Variants in COMMD1 observed in about 807,000 individuals in gnomAD.
COMMD1 encodes the protein copper metabolism domain containing 1.
A neutral mutation model predicts 17.2 loss-of-function variants in COMMD1; 10 were observed. That is an observed-to-expected ratio of 0.58 (90% CI 0.36 to 0.99). COMMD1 has a LOEUF of 0.99. Ranked by LOEUF, COMMD1 falls within the 50% of genes least tolerant of loss-of-function variation. COMMD1 has a pLI of 0.01. For missense variants in COMMD1, 270 were observed against 231.8 expected (o/e 1.17, Z -1.07); for synonymous variants, 97 against 91.6 (o/e 1.06, Z -0.34).
intron 1 of COMMD1, among the ~76,000 whole-genome samples, chr2:61,967,102 G>A (rs780855824): frequency 6.6e-6 from 1 of 151,990 alleles, no homozygotes; most frequent in African/African-American, 2.4e-5. Context: ...TGGAAATGGG[G>A]CCAGTTGATG....
At chr2:62,121,035 C>T (rs909781761) in intron 2 of COMMD1, among the ~76,000 whole-genome samples, 1 of 152,000 alleles carries the variant, frequency 6.6e-6, no homozygotes, top group African/African-American at 2.4e-5. Flanking sequence ...TGAGCCACCA[C>T]GCCCAGCAAA....
intron 1 of COMMD1, among the ~76,000 whole-genome samples, chr2:61,945,904 A>T (rs1670893058): frequency 1.3e-5 from 2 of 152,174 alleles, no homozygotes; most frequent in Admixed American, 1.3e-4. Context: ...TTAAACTTCC[A>T]GGTAGCGGGT....
At chr2:61,963,232 TATAC>T (rs1371956767) in intron 1 of COMMD1, among the ~76,000 whole-genome samples, 1 of 150,508 alleles carries the variant, frequency 6.6e-6, no homozygotes, top group Non-Finnish European at 1.5e-5. Flanking sequence ...TATATACATA[TATAC>T]ACACACACAC....
At chr2:61,888,896 CT>C (rs70946768) in intron 1 of COMMD1, 43,284 of 132,080 alleles carry the variant, frequency 0.33, 3,444 homozygotes, top group African/African-American at 0.41. Context: ...AGGTCCCCTC[CT>C]TTTTTTTTTT....
rs149364036 is a variant in COMMD1 at position 61,954,185 on chromosome 2, G to A, written c.181-46516G>A. On this transcript the variant is annotated intron_variant, in intron 1 of 2. Coordinates refer to ENST00000311832, the MANE Select transcript of COMMD1 (RefSeq NM_152516.4). ...GATTGCGCCACTGTACTCCACCCTG[G>A]GCGACAGAGTGAGACTCTGTCTCAA... Among the ~76,000 whole-genome samples, 24 of 152,106 alleles carry A rather than the reference G, an allele frequency of 1.6e-4. No homozygotes were observed. In the East Asian group the frequency reaches 3.7e-3, roughly 23 times the overall value.
chr2:61,973,944 C>CACTT (rs1408600802), intron 1 of COMMD1, among the ~76,000 whole-genome samples: 1 of 152,198 alleles, frequency 6.6e-6, no homozygotes, highest in Non-Finnish European at 1.5e-5. Context: ...ACCACTGCCT[C>CACTT]AAGTAAGTAC....
intron 2 of COMMD1, among the ~76,000 whole-genome samples, chr2:62,104,182 T>C (rs1430346073): frequency 6.6e-6 from 1 of 152,130 alleles, no homozygotes; most frequent in Admixed American, 6.6e-5. Context: ...GATAGTAATA[T>C]GGGTTAGCAA....
chr2:61,997,789 T>C (rs1485694137), intron 1 of COMMD1, among the ~76,000 whole-genome samples: 1 of 152,114 alleles, frequency 6.6e-6, no homozygotes, highest in Non-Finnish European at 1.5e-5. Context: ...AACAAGAGAG[T>C]CAGCCTGTCC....
chr2:62,117,238 C>CT (rs1672633668), intron 2 of COMMD1, among the ~76,000 whole-genome samples: 1 of 152,212 alleles, frequency 6.6e-6, no homozygotes, highest in Non-Finnish European at 1.5e-5. Context: ...CCCCATCACA[C>CT]TACTACATTC....
intron 1 of COMMD1, among the ~76,000 whole-genome samples, chr2:61,930,169 G>A (rs1670425770): frequency 6.6e-6 from 1 of 152,188 alleles, no homozygotes; most frequent in Non-Finnish European, 1.5e-5. Context: ...TTGGTTGGCA[G>A]AACTTGTAAA....
intron 2 of COMMD1, among the ~76,000 whole-genome samples, chr2:62,086,981 G>C (rs1671689298): frequency 6.6e-6 from 1 of 151,898 alleles, no homozygotes; most frequent in Admixed American, 6.6e-5. Flanking sequence ...GTGCCACCAT[G>C]CCTGGCTAAT....
At chr2:62,028,648 G>A (rs930577588) in intron 2 of COMMD1, among the ~76,000 whole-genome samples, 3 of 151,980 alleles carry the variant, frequency 2.0e-5, no homozygotes, top group African/African-American at 7.2e-5. Context: ...TTCCCCAAAA[G>A]GGTGTTATAT....
intron 2 of COMMD1, among the ~76,000 whole-genome samples, chr2:62,086,095 G>C (rs573769095): frequency 6.6e-6 from 1 of 151,934 alleles, no homozygotes; most frequent in Non-Finnish European, 1.5e-5. Context: ...GGTGGGAGGA[G>C]CGCTTGAGCC....
At chr2:61,934,589 G>A (rs1240547477) in intron 1 of COMMD1, among the ~76,000 whole-genome samples, 2 of 151,988 alleles carry the variant, frequency 1.3e-5, no homozygotes, top group Non-Finnish European at 2.9e-5. Flanking sequence ...GGCTTAACAA[G>A]TTCAAGTTAT....
In COMMD1 at chr2:61,905,991, C is replaced by T. The variant is rs1467084857; in HGVS notation, c.180+133C>T. On this transcript the variant is annotated intron_variant, in intron 1 of 2. Coordinates refer to ENST00000311832, the MANE Select transcript of COMMD1 (RefSeq NM_152516.4). ...CCCTCTCAGACCTCCACTCCGTGGG[C>T]TCCACATCGGGCTCCTTCAGATTTG... 3.5e-6 allele frequency: 3 copies of T among 849,286 alleles called. 1 individual carries two copies. The highest frequency in any genetic ancestry group is 2.9e-5 in the South Asian group (2 of 69,338). The allele number at this position is 849,286 out of a possible 1,614,324, so 52.6% of individuals were successfully genotyped here.
chr2:62,010,783 G>A (rs967782422), intron 2 of COMMD1, among the ~76,000 whole-genome samples: 1 of 152,090 alleles, frequency 6.6e-6, no homozygotes, highest in African/African-American at 2.4e-5. Context: ...CAACTACTCT[G>A]TTTAGATCAC....
intron 1 of COMMD1, among the ~76,000 whole-genome samples, chr2:61,987,246 A>G (rs1672129057): frequency 1.3e-5 from 2 of 151,912 alleles, no homozygotes; most frequent in South Asian, 4.2e-4. Flanking sequence ...ATGCTTGTGG[A>G]TTCTCGTTAG....
chr2:62,093,122 A>G (rs563862096), intron 2 of COMMD1, among the ~76,000 whole-genome samples: 3 of 152,164 alleles, frequency 2.0e-5, no homozygotes, highest in South Asian at 2.1e-4. Flanking sequence ...AATTTTCCCA[A>G]CTGTTAAGGT....
At chr2:62,019,300 A>G (rs1372780617) in intron 2 of COMMD1, among the ~76,000 whole-genome samples, 4 of 151,632 alleles carry the variant, frequency 2.6e-5, no homozygotes, top group Admixed American at 6.6e-5. Flanking sequence ...CAGTCTCCCA[A>G]GTACCTGGGA....
Sources: allele counts gnomAD v4.1 joint callset (sites outside exome capture counted in the v4.1 genomes callset), GRCh38; gene constraint gnomAD v4.1.1; transcripts MANE v1.5; gene names NCBI Gene and HGNC (gene_info 2026-07-23, HGNC 2026-07-21).